Variants in NUP210L observed in about 807,000 individuals in gnomAD.
NUP210L encodes the protein nuclear pore membrane glycoprotein 210-like.
A neutral mutation model predicts 208.5 loss-of-function variants in NUP210L; 74 were observed. That is an observed-to-expected ratio of 0.35 (90% CI 0.29 to 0.43). The LOEUF is 0.43. NUP210L is among the 20% of genes least tolerant of loss of function. The pLI, the probability that NUP210L is intolerant of heterozygous loss-of-function variation, is 1.00. For missense variants in NUP210L, 1,843 were observed against 2,289.4 expected, an observed-to-expected ratio of 0.81 and a Z score of 3.98; for synonymous variants, 780 against 816.9, an observed-to-expected ratio of 0.95 and a Z score of 0.77.
At chr1:154,123,170 A>T (rs770029122) in intron 10 of NUP210L, among the ~76,000 whole-genome samples, 6 of 152,062 alleles carry the variant, frequency 3.9e-5, no homozygotes, top group Non-Finnish European at 5.9e-5. Context: ...TTTGAGACGG[A>T]GTTTCGCTCT....
chr1:154,138,282 C>T (rs764325916), intron 5 of NUP210L, 44 bp from the exon 6 acceptor site: 17 of 1,502,352 alleles, frequency 1.1e-5, no homozygotes, highest in African/African-American at 1.5e-5. Context: ...TTTCCATGGA[C>T]GGAACCCTCA....
In NUP210L at chr1:154,108,304, T is replaced by C. The variant is rs1656868153; in HGVS notation, c.1621-4094A>G. 2.0e-5 allele frequency among the ~76,000 whole-genome samples: 3 copies of C among 152,054 alleles called. No homozygotes were observed. In the South Asian group the frequency reaches 6.2e-4, roughly 32 times the overall value. On this transcript the variant is annotated intron_variant, in intron 12 of 39. Coordinates refer to ENST00000368559, the Ensembl canonical transcript of NUP210L. ...TCATGAGTAGCTGGGATCACAGGCA[T>C]GCACCACCACAACCAGCTAATTTTT...
intron 27 of NUP210L, among the ~76,000 whole-genome samples, chr1:154,033,275 G>A (rs1652358753): frequency 6.6e-6 from 1 of 152,068 alleles, no homozygotes; most frequent in African/African-American, 2.4e-5. Flanking sequence ...GTCAATTTTT[G>A]TTTTGGTTGC....
chr1:154,012,216 T>C (rs1201675300), intron 34 of NUP210L, 28 bp downstream of exon 34: 1 of 1,606,332 alleles, frequency 6.2e-7, no homozygotes, highest in African/African-American at 1.3e-5. Context: ...ATAGGAACAA[T>C]CACTGAAACC....
intron 14 of NUP210L, among the ~76,000 whole-genome samples, chr1:154,095,729 G>T (rs781345151): frequency 6.6e-6 from 1 of 152,044 alleles, no homozygotes; most frequent in South Asian, 2.1e-4. Flanking sequence ...ACGTATCAAA[G>T]AACTTCTGCC....
chr1:154,057,503 GCCTGAAATT>G (rs1204216516), intron 22 of NUP210L, among the ~76,000 whole-genome samples: 1 of 151,996 alleles, frequency 6.6e-6, no homozygotes, highest in Non-Finnish European at 1.5e-5. Flanking sequence ...ATACTAAATT[GCCTGAAATT>G]CCTGAATTTC....
chr1:154,140,666 C>CAAAAAA (rs1434093544), intron 4 of NUP210L, among the ~76,000 whole-genome samples: 7 of 102,466 alleles, frequency 6.8e-5, no homozygotes, highest in Non-Finnish European at 1.1e-4. Context: ...GACTCCATCT[C>CAAAAAA]AAAAAAAAAA....
chr1:154,129,594 A>T (rs1254774430), intron 7 of NUP210L, among the ~76,000 whole-genome samples: 1 of 152,216 alleles, frequency 6.6e-6, no homozygotes, highest in East Asian at 1.9e-4. Flanking sequence ...GAGAAAAAAG[A>T]TCATGCTTTG....
At chr1:154,096,810 G>A (rs950289684) in intron 14 of NUP210L, among the ~76,000 whole-genome samples, 3 of 152,018 alleles carry the variant, frequency 2.0e-5, no homozygotes, top group Non-Finnish European at 4.4e-5. Context: ...GCCAGGTGTG[G>A]TGGCTCATGC....
chr1:154,093,903 C>A (rs1005198702), intron 15 of NUP210L, among the ~76,000 whole-genome samples: 1 of 152,160 alleles, frequency 6.6e-6, no homozygotes, highest in Non-Finnish European at 1.5e-5. Context: ...ATAATCCCAG[C>A]ACTTTGGGAG....
At chr1:153,992,901 G>C in exon 40 of NUP210L, 1 of 1,613,628 alleles carries the variant, frequency 6.2e-7, no homozygotes, top group Non-Finnish European at 8.5e-7. Context: ...GTAGACTCAT[G>C]AAGTGAGGGG....
chr1:154,110,045 C>T (rs1226897146), intron 12 of NUP210L, among the ~76,000 whole-genome samples: 2 of 150,432 alleles, frequency 1.3e-5, no homozygotes, highest in East Asian at 3.9e-4. Flanking sequence ...ACCAGCCTGG[C>T]CAACATGATG....
chr1:154,151,334 G>A (rs1271789505), intron 2 of NUP210L, among the ~76,000 whole-genome samples: 6 of 149,320 alleles, frequency 4.0e-5, no homozygotes, highest in Admixed American at 2.7e-4. Context: ...CTGCAATTGG[G>A]ATTTATCTTA....
intron 13 of NUP210L, among the ~76,000 whole-genome samples, chr1:154,100,458 A>C (rs998187929): frequency 4.0e-5 from 6 of 151,032 alleles, no homozygotes; most frequent in African/African-American, 7.3e-5. Flanking sequence ...AAAAAAAAAA[A>C]AAAACCCAAA....
chr1:154,073,244 A>AG (rs1553231658), intron 16 of NUP210L, among the ~76,000 whole-genome samples: 3 of 152,228 alleles, frequency 2.0e-5, no homozygotes, highest in Non-Finnish European at 4.4e-5. Context: ...TGCTGCAAGA[A>AG]TTTTTTTATT....
chr1:154,067,994 C>T (rs1654502221), intron 17 of NUP210L, among the ~76,000 whole-genome samples: 1 of 152,142 alleles, frequency 6.6e-6, no homozygotes, highest in Admixed American at 6.6e-5. Flanking sequence ...TAGGAAGAAT[C>T]AATATCATGA....
chr1:153,999,800 C>T (rs1413269547), intron 37 of NUP210L, among the ~76,000 whole-genome samples: 1 of 143,022 alleles, frequency 7.0e-6, no homozygotes, highest in Non-Finnish European at 1.5e-5. Context: ...AGCTGGCAAA[C>T]TCGTGTTAAA....
chr1:154,147,152 C>T (rs1315305590), intron 2 of NUP210L, among the ~76,000 whole-genome samples: 1 of 152,054 alleles, frequency 6.6e-6, no homozygotes, highest in Non-Finnish European at 1.5e-5. Flanking sequence ...TGACAGATAC[C>T]ACCACCTTAA....
chr1:154,037,001 A>C (rs1166307491), intron 27 of NUP210L, among the ~76,000 whole-genome samples: 1 of 149,626 alleles, frequency 6.7e-6, no homozygotes, highest in Admixed American at 6.7e-5. Context: ...GAGCTCAAAC[A>C]ATCTGCCCAC....
Sources: allele counts gnomAD v4.1 joint callset (sites outside exome capture counted in the v4.1 genomes callset), GRCh38; gene constraint gnomAD v4.1.1; transcripts MANE v1.5; gene names NCBI Gene and HGNC (gene_info 2026-07-23, HGNC 2026-07-21).